The following LGALS14 variants were observed in gnomAD, a reference collection of about 807,000 sequenced individuals.
LGALS14 encodes galectin 14, also known as placental protein 13-like.
A neutral mutation model predicts 14.6 loss-of-function variants in LGALS14; 14 were observed. The ratio of observed to expected loss-of-function variants is 0.96; its 90% CI spans 0.64 to 1.50. LGALS14 has a LOEUF of 1.50. LGALS14 is among the 40% of genes most tolerant of loss of function. The pLI is 0.00. For synonymous variants in LGALS14, 57 were observed against 63.9 expected (o/e 0.89, Z 0.51); for missense variants, 180 against 172.0 (o/e 1.05, Z -0.26).
In LGALS14 at chr19:39,706,689, T is replaced by G. The variant is rs1973719663; in HGVS notation, c.92+16T>G. Reference sequence around the variant, plus strand: ...TCACTTTTGTGTGAGTACTCCATGGTCCAATGGAGGGGGTGGAGGAGAGAA... The same window carrying G: ...TCACTTTTGTGTGAGTACTCCATGGGCCAATGGAGGGGGTGGAGGAGAGAA... On this transcript the variant is annotated intron_variant, in intron 2 of 3. Transcript: ENST00000392052. The G allele has an allele frequency of 6.4e-7, 1 of 1,569,652 alleles. No homozygotes were observed. The highest frequency in any genetic ancestry group is 8.8e-7 in the Non-Finnish European group (1 of 1,139,546).
At position 39,707,216 on chromosome 19, in the gene LGALS14, T is replaced by A; in HGVS notation, c.131T>A (p.Met44Lys). The part of the protein sequence containing the change: ...PQLEVNFYTG[M>K]DEDSDIAFQF... ...CTGGAGGTGAATTTCTACACTGGGATGGATGAGGACTCAGATATTGCTTTC... is the reference window on the plus strand; with the variant it reads ...CTGGAGGTGAATTTCTACACTGGGAAGGATGAGGACTCAGATATTGCTTTC... Residue 44 changes from methionine to lysine, a missense_variant, in exon 3 of 4, where the codon ATG (methionine) becomes AAG (lysine). Transcript: ENST00000392052. The A allele has an allele frequency of 6.2e-7, 1 of 1,614,116 alleles. No homozygotes were observed. The highest frequency in any genetic ancestry group is 2.2e-5 in the East Asian group (1 of 44,866).
At position 39,707,365 on chromosome 19, in the gene LGALS14, T is replaced by A. The variant is rs574590863; in HGVS notation, c.280T>A (p.Tyr94Asn). Residue 94 changes from tyrosine to asparagine, a missense_variant, in exon 3 of 4, where the codon TAT (tyrosine) becomes AAT (asparagine). Tyr to Asn is a moderately radical substitution (Grantham distance 143). Coordinates refer to ENST00000392052, the MANE Select transcript of LGALS14 (RefSeq NM_020129.3). ...TGGCAAACCATTTGAGCTGTGCATC[T>A]ATGTGCGTCACAAGGAATACAAGGT... ...EDGKPFELCI[Y>N]VRHKEYKVMV... 3 of 1,614,082 alleles carry A rather than the reference T, an allele frequency of 1.9e-6. No individual in the cohort carries two copies. The Admixed American group carries it at 5.0e-5, about 27-fold the overall frequency.
intron 1 of LGALS14, chr19:39,705,900 C>T: frequency 4.3e-6 from 7 of 1,613,168 alleles, no homozygotes; most frequent in Non-Finnish European, 5.9e-6. Flanking sequence ...CAATCATTCC[C>T]TCCAGTTATG....
intron 3 of LGALS14, among the ~76,000 whole-genome samples, chr19:39,708,447 G>A (rs114123042): frequency 0.012 from 1,765 of 151,828 alleles, 47 homozygotes; most frequent in African/African-American, 0.04. Context: ...TACTTATACT[G>A]GAAGATAATT....
At position 39,707,957 on chromosome 19, in the gene LGALS14, AT is replaced by A. The variant is rs1354321912; in HGVS notation, c.303+570del. ...CCCAAGTAGCCGGAATTACAGGTGC[AT>A]GCCATCACACCTTGTTAACTTTTGT... On this transcript the variant is annotated intron_variant, in intron 3 of 3. Coordinates refer to ENST00000392052, the MANE Select transcript of LGALS14 (RefSeq NM_020129.3). Among the ~76,000 whole-genome samples, 5 of 152,228 alleles carry A rather than the reference AT, an allele frequency of 3.3e-5. No homozygotes were observed. In the East Asian group the frequency reaches 7.7e-4, roughly 24 times the overall value.
intron 1 of LGALS14, chr19:39,705,937 C>T (rs1327574379): frequency 1.2e-6 from 2 of 1,613,718 alleles, no homozygotes; most frequent in Admixed American, 3.3e-5. Context: ...TTCATTTGTG[C>T]AAGTACTGGG....
chr19:39,706,206 A>T (rs111991388), intron 1 of LGALS14, among the ~76,000 whole-genome samples: 4 of 152,180 alleles, frequency 2.6e-5, no homozygotes, highest in African/African-American at 9.6e-5. Flanking sequence ...CCCCTAATTG[A>T]CCCTATACAT....
At chr19:39,705,861 C>A (rs1429883188) in intron 1 of LGALS14, 1 of 1,608,200 alleles carries the variant, frequency 6.2e-7, no homozygotes, top group East Asian at 2.2e-5. Context: ...ACAGAAAAAT[C>A]ATCAACCACT....
Position 39,709,274 on chromosome 19 carries a change from C to G in LGALS14, c.381C>G (p.Phe127Leu), listed in dbSNP as rs10755. The G allele has an allele frequency of 0.67, 1,075,242 of 1,609,922 alleles. 364,820 individuals carry two copies. Among genetic ancestry groups the G allele is most frequent in the African/African-American group, 0.79 (58,949 of 74,864 alleles). The change falls in exon 4 of 4, where the codon TTC becomes TTG. Residue 127 changes from phenylalanine (F) to leucine (L), a missense_variant. Transcript: ENST00000392052. ...CATCTGTGAAGATGCTGCAAGTCTTCAGAGATATCTCCCTGACCAGAGTGC... is the reference window on the plus strand; with the variant it reads ...CATCTGTGAAGATGCTGCAAGTCTTGAGAGATATCTCCCTGACCAGAGTGC... Reference protein sequence around the residue: ...PPASVKMLQVFRDISLTRVLI... With the variant: ...PPASVKMLQVLRDISLTRVLI...
Position 39,706,586 on chromosome 19 carries a change from T to C in LGALS14, c.16-11T>C, listed in dbSNP as rs1197556480. The C allele has an allele frequency of 1.9e-6, 3 of 1,610,402 alleles. No individual in the cohort carries two copies. Among genetic ancestry groups the C allele is most frequent in the Middle Eastern group, 1.7e-4 (1 of 6,050 alleles). On this transcript the variant is annotated splice_polypyrimidine_tract_variant and intron_variant, in intron 1 of 3. Transcript: ENST00000392052. The stretch of plus-strand genomic sequence containing the variant: ...CCCTTTAGCTCTCACTCACTCTCCA[T>C]ACCCTGGCAGGTACCATACACACTG...
rs760403226 is a variant in LGALS14, at chr19:39,709,211, C to T, written c.318C>T (p.Gly106=). ...TCCTCTTGTAGGTAATGGTAAATGG[C>T]CAACGCATTTACAACTTTGCCCATC... ...RHKEYKVMVN[G]QRIYNFAHRF... Residue 106 remains glycine (G), a synonymous_variant, in exon 4 of 4, where the codon GGC becomes GGT. Transcript: ENST00000392052. 2 of 1,610,014 alleles carry T rather than the reference C, an allele frequency of 1.2e-6. No individual in the cohort carries two copies. The highest frequency in any genetic ancestry group is 1.3e-5 in the African/African-American group (1 of 74,816).
chr19:39,706,594 C>A lies in LGALS14; in HGVS notation c.16-3C>A. On this transcript the variant is annotated splice_polypyrimidine_tract_variant and splice_region_variant and intron_variant, in intron 1 of 3. Coordinates refer to ENST00000392052, the MANE Select transcript of LGALS14 (RefSeq NM_020129.3). ...CTCTCACTCACTCTCCATACCCTGG[C>A]AGGTACCATACACACTGCCTGTTTC... is the stretch of plus-strand genomic sequence containing the variant. 6.2e-7 allele frequency: 1 copy of A among 1,612,224 alleles called. No homozygotes were observed. Among genetic ancestry groups the A allele is most frequent in the Non-Finnish European group, 8.5e-7 (1 of 1,178,314 alleles).
rs776365725 is a variant in LGALS14, at chr19:39,704,502, C to T, written c.-27C>T. The T allele has an allele frequency of 2.5e-5, 40 of 1,612,786 alleles. No homozygotes were observed. Among genetic ancestry groups the T allele is most frequent in the South Asian group, 1.4e-4 (13 of 91,014 alleles). On this transcript the variant is annotated 5_prime_UTR_variant, in exon 1 of 4. Transcript: ENST00000392052. ...TCACACAGAAGACTGGACACAATTC[C>T]GAAGAGCTGCCCAGAAGGAGAGAAC...
At position 39,707,172 on chromosome 19, in the gene LGALS14, C is replaced by T; in HGVS notation, c.93-6C>T. The T allele has an allele frequency of 6.2e-7, 1 of 1,609,964 alleles. No homozygotes were observed. The highest frequency in any genetic ancestry group is 1.3e-5 in the African/African-American group (1 of 74,942). ...CTGCCCAACATGCTGTGTGCTTTGA[C>T]CTCAGCAAGGACCCACAGCTGGAGG... On this transcript the variant is annotated splice_region_variant and splice_polypyrimidine_tract_variant and intron_variant, in intron 2 of 3. Transcript: ENST00000392052.
chr19:39,707,360 G>A lies in LGALS14; in HGVS notation c.275G>A (p.Cys92Tyr). 6.2e-7 allele frequency: 1 copy of A among 1,614,108 alleles called. No homozygotes were observed. Among genetic ancestry groups the A allele is most frequent in the Non-Finnish European group, 8.5e-7 (1 of 1,179,942 alleles). ...GAAGATGGCAAACCATTTGAGCTGT[G>A]CATCTATGTGCGTCACAAGGAATAC... ...PFEDGKPFEL[C>Y]IYVRHKEYKV... Residue 92 changes from cysteine to tyrosine, a missense_variant, in exon 3 of 4, where the codon TGC (cysteine) becomes TAC (tyrosine). Coordinates refer to ENST00000392052, the MANE Select transcript of LGALS14 (RefSeq NM_020129.3).
At chr19:39,708,338 C>T (rs1973748827) in intron 3 of LGALS14, among the ~76,000 whole-genome samples, 1 of 152,086 alleles carries the variant, frequency 6.6e-6, no homozygotes, top group African/African-American at 2.4e-5. Flanking sequence ...TGAACTTGAC[C>T]CTTTTTTGGG....
At chr19:39,709,117 T>G (rs1973759716) in intron 3 of LGALS14, 80 bp from the exon 4 acceptor site, 1 of 865,022 alleles carries the variant, frequency 1.2e-6, no homozygotes, top group Non-Finnish European at 2.0e-6. Context: ...GAAGGTTATT[T>G]GTAACTGGGC....
Position 39,709,315 on chromosome 19 carries a change from G to A in LGALS14, c.*2G>A, listed in dbSNP as rs1973764372. 1 of 1,503,382 alleles carries A rather than the reference G, an allele frequency of 6.7e-7. No homozygotes were observed. 93.1% of individuals were successfully genotyped at this position (1,503,382 alleles called of 1,614,324 possible). A position where few individuals can be genotyped will look rare whatever the true frequency, so the allele number is the denominator to read the frequency against. On this transcript the variant is annotated 3_prime_UTR_variant, in exon 4 of 4. Transcript: ENST00000392052. ...ACCAGAGTGCTTATCAGCGATTGAG[G>A]GAGATGATCAGACTCCTCATTGTTG...
rs1322216336 is a variant in LGALS14 at position 39,709,307 on chromosome 19, C to T, written c.414C>T (p.Ser138=). 5.8e-6 allele frequency: 9 copies of T among 1,544,542 alleles called. No homozygotes were observed. Among genetic ancestry groups the T allele is most frequent in the South Asian group, 3.3e-5 (3 of 89,632 alleles). Residue 138 remains serine, a synonymous_variant, in exon 4 of 4, where the codon AGC becomes AGT. Transcript: ENST00000392052. ...TCTCCCTGACCAGAGTGCTTATCAG[C>T]GATTGAGGGAGATGATCAGACTCCT... The part of the protein sequence containing the change: ...RDISLTRVLI[S]D
Sources: gnomAD v4.1 joint callset for allele counts (sites outside exome capture counted in the v4.1 genomes callset) on GRCh38, gnomAD v4.1.1 for gene constraint, MANE v1.5 for transcripts, NCBI Gene and HGNC (gene_info 2026-07-23, HGNC 2026-07-21) for gene names.